CARMIL1: variants seen among roughly 807,000 people sequenced by gnomAD.
CARMIL1 encodes the protein F-actin-uncapping protein LRRC16A.
In CARMIL1, 90 loss-of-function variants were observed where a neutral mutation model predicts 177.1. That is an observed-to-expected ratio of 0.51 (90% CI 0.43 to 0.61). The LOEUF is 0.61. Ranked by LOEUF, CARMIL1 falls within the 20% of genes least tolerant of loss-of-function variation. The pLI is 0.00. For synonymous variants in CARMIL1, 577 were observed against 606.2 expected, an observed-to-expected ratio of 0.95 and a Z score of 0.71; for missense variants, 1,380 against 1,667.0, an observed-to-expected ratio of 0.83 and a Z score of 3.00.
Position 25,509,687 on chromosome 6 carries a change from G to T in CARMIL1, c.1427G>T (p.Gly476Val), listed in dbSNP as rs745535287. 4 of 1,604,004 alleles carry T rather than the reference G, an allele frequency of 2.5e-6. No homozygotes were observed. Among genetic ancestry groups the T allele is most frequent in the Admixed American group, 3.4e-5 (2 of 58,904 alleles). ...TCAGGAGGTGCTCAAGTATTAGAAG[G>T]TTGCATTGCTGAAATACACAACATC... ...LRSGGAQVLE[G>V]CIAEIHNITS... The change falls in exon 18 of 37, where the codon GGT (glycine) becomes GTT (valine). Residue 476 changes from glycine to valine, a missense_variant. Gly to Val is a moderately radical substitution (Grantham distance 109). Coordinates refer to ENST00000329474, the MANE Select transcript of CARMIL1 (RefSeq NM_017640.6). The surrounding 1 kb of genome is among the most constrained non-coding windows in gnomAD (Gnocchi z 4.1).
intron 2 of CARMIL1, chr6:25,383,483 A>G (rs1791810155): frequency 6.6e-6 from 1 of 152,214 alleles, no homozygotes; most frequent in East Asian, 1.9e-4. Context: ...CTATGTTTAA[A>G]TTACTGGTAT....
intron 2 of CARMIL1, among the ~76,000 whole-genome samples, chr6:25,337,210 AATAAGT>A (rs911127493): frequency 3.3e-5 from 5 of 152,218 alleles, no homozygotes; most frequent in Admixed American, 3.3e-4. Flanking sequence ...CTTGTAAGTT[AATAAGT>A]ATCTTATTGC....
intron 2 of CARMIL1, among the ~76,000 whole-genome samples, chr6:25,331,256 A>T (rs1412064661): frequency 2.6e-5 from 4 of 152,196 alleles, no homozygotes; most frequent in Non-Finnish European, 5.9e-5. Context: ...GTGTTATGCC[A>T]GGACCTCAGT....
intron 2 of CARMIL1, among the ~76,000 whole-genome samples, chr6:25,372,723 G>A (rs1289086815): frequency 6.6e-6 from 1 of 152,052 alleles, no homozygotes; most frequent in Non-Finnish European, 1.5e-5. Flanking sequence ...TTCCAATTTG[G>A]ATACCCTTTA....
chr6:25,574,386 C>G (rs1375724876), intron 29 of CARMIL1, among the ~76,000 whole-genome samples: 1 of 152,238 alleles, frequency 6.6e-6, no homozygotes, highest in East Asian at 1.9e-4. Context: ...CTGGAACACA[C>G]ACACTAGGAG....
intron 35 of CARMIL1, among the ~76,000 whole-genome samples, chr6:25,607,743 T>C (rs867101182): frequency 5.3e-5 from 8 of 152,046 alleles, no homozygotes; most frequent in African/African-American, 1.9e-4. Flanking sequence ...CCGTCACATA[T>C]TTTTTTTCAT....
intron 2 of CARMIL1, among the ~76,000 whole-genome samples, chr6:25,336,675 A>G (rs896725377): frequency 1.3e-5 from 2 of 152,184 alleles, no homozygotes; most frequent in Non-Finnish European, 2.9e-5. Flanking sequence ...AACCAGTATG[A>G]TTCCATTTTT....
intron 33 of CARMIL1, among the ~76,000 whole-genome samples, chr6:25,602,763 A>G (rs1815560350): frequency 6.6e-6 from 1 of 152,190 alleles, no homozygotes. Flanking sequence ...AATGATCAAT[A>G]TACTGTTGAT....
At chr6:25,448,917 T>TTC (rs773363748) in intron 5 of CARMIL1, among the ~76,000 whole-genome samples, 28 of 22,828 alleles carry the variant, frequency 1.2e-3, no homozygotes, top group African/African-American at 3.2e-3. Flanking sequence ...GGGATTCTTC[T>TTC]TTTTTTTTTT....
In CARMIL1 at chr6:25,554,205, C is replaced by A; in HGVS notation, c.2592+109C>A. Reference sequence around the variant, plus strand: ...TTCTTTTCTGTATTTCACACTATTACAGCTTTATGGTTTGTGATCTTGGTT... The same window carrying A: ...TTCTTTTCTGTATTTCACACTATTAAAGCTTTATGGTTTGTGATCTTGGTT... On this transcript the variant is annotated intron_variant, in intron 28 of 36. Coordinates refer to ENST00000329474, the MANE Select transcript of CARMIL1 (RefSeq NM_017640.6). This position sits in a 1 kb window ranked among gnomAD's most constrained non-coding sequence, Gnocchi z 4.6. The A allele has an allele frequency of 1.3e-6, 1 of 786,156 alleles. No individual in the cohort carries two copies. The highest frequency in any genetic ancestry group is 2.1e-6 in the Non-Finnish European group (1 of 466,404). The allele number at this position is 786,156 out of a possible 1,614,324, so 48.7% of individuals were successfully genotyped here.
chr6:25,585,542 T>TA (rs398109991), intron 31 of CARMIL1, among the ~76,000 whole-genome samples: 2 of 152,144 alleles, frequency 1.3e-5, no homozygotes, highest in Non-Finnish European at 2.9e-5. Context: ...CCTATTTTTT[T>TA]ATTTATTTTT....
rs68160209 is a variant in CARMIL1 at position 25,463,819 on chromosome 6, CT to C, written c.615-2033del. ...AATAACTATTGAAAGAGTTGTTCTC[CT>C]TTTTTTTTTTTTTTTTTTTTGAGAC... is the stretch of plus-strand genomic sequence containing the variant. On this transcript the variant is annotated intron_variant, in intron 8 of 36. Transcript: ENST00000329474. 9.1e-3 allele frequency among the ~76,000 whole-genome samples: 985 copies of C among 108,496 alleles called. 8 individuals carry two copies. The highest frequency in any genetic ancestry group is 0.019 in the African/African-American group (538 of 28,218). The allele number at this position is 108,496 out of a possible 152,430, so 71.2% of individuals were successfully genotyped here.
chr6:25,338,551 C>CTTT (rs34070479), intron 2 of CARMIL1, among the ~76,000 whole-genome samples: 1 of 141,422 alleles, frequency 7.1e-6, no homozygotes, highest in African/African-American at 2.6e-5. Flanking sequence ...GCTGGTCCTA[C>CTTT]TTTTTTTTTT....
intron 5 of CARMIL1, 87 bp downstream of exon 5, chr6:25,435,691 T>G: frequency 7.3e-7 from 1 of 1,378,894 alleles, no homozygotes; most frequent in East Asian, 2.6e-5. Flanking sequence ...TTTTACCCCT[T>G]CACTTAGTTC....
At chr6:25,431,274 G>GTA (rs1796758004) in intron 4 of CARMIL1, among the ~76,000 whole-genome samples, 1 of 151,904 alleles carries the variant, frequency 6.6e-6, no homozygotes, top group African/African-American at 2.4e-5. Context: ...GTGTGTGTGT[G>GTA]TGTGTGTGTG....
chr6:25,392,039 T>A (rs1792871093), intron 2 of CARMIL1, among the ~76,000 whole-genome samples: 1 of 103,996 alleles, frequency 9.6e-6, no homozygotes, highest in South Asian at 3.0e-4. Context: ...TGTGTATGCA[T>A]GTGTGTGTAT....
chr6:25,409,987 T>C (rs973222640), intron 2 of CARMIL1, among the ~76,000 whole-genome samples: 3 of 152,196 alleles, frequency 2.0e-5, no homozygotes, highest in Admixed American at 6.5e-5. Flanking sequence ...CCAAATCTTA[T>C]ATTCTCCTTC....
chr6:25,519,566 GT>G (rs1227708809), intron 22 of CARMIL1, among the ~76,000 whole-genome samples: 3 of 152,208 alleles, frequency 2.0e-5, no homozygotes. Flanking sequence ...GCAATCAACA[GT>G]TGCTTCATTT....
rs1341829229 is a variant in CARMIL1 at position 25,392,694 on chromosome 6, C to CA, written c.139-27414dup. Among the ~76,000 whole-genome samples the CA allele has an allele frequency of 7.5e-4, 114 of 151,940 alleles. 2 individuals are homozygous for CA. Among genetic ancestry groups the CA allele is most frequent in the Non-Finnish European group, 3.4e-4 (23 of 67,926 alleles). On this transcript the variant is annotated intron_variant, in intron 2 of 36. Transcript: ENST00000329474. ...AAATCTGAATAAGTCTTTCTTGAGG[C>CA]AAAAAATGGCTACCAGTATCCACGT... is the stretch of plus-strand genomic sequence containing the variant.
Sources: allele counts gnomAD v4.1 joint callset (sites outside exome capture counted in the v4.1 genomes callset), GRCh38; gene constraint gnomAD v4.1.1; non-coding constraint Gnocchi (gnomAD v3.1); transcripts MANE v1.5; gene names NCBI Gene and HGNC (gene_info 2026-07-23, HGNC 2026-07-21).